The following CTNNA3 variants were observed in gnomAD, a reference collection of about 807,000 sequenced individuals.
CTNNA3 encodes the protein catenin alpha 3.
Under a neutral mutation model 95.7 loss-of-function variants are expected in CTNNA3, and 76 were observed. The observed-to-expected ratio is 0.79, with a 90% CI of 0.66 to 0.96. The LOEUF (loss-of-function observed/expected upper bound fraction) is 0.96, where lower values mean the gene tolerates loss of function less well. Ranked by LOEUF, CTNNA3 falls within the 40% of genes least tolerant of loss-of-function variation. The pLI is 0.00. For missense variants in CTNNA3, 1,191 were observed against 1,089.8 expected (o/e 1.09, Z -1.31); for synonymous variants, 431 against 374.4 (o/e 1.15, Z -1.74).
chr10:66,841,277 A>C (rs1843058715), intron 7 of CTNNA3, among the ~76,000 whole-genome samples: 1 of 152,168 alleles, frequency 6.6e-6, no homozygotes, highest in Non-Finnish European at 1.5e-5. Flanking sequence ...GATACTGTTT[A>C]AAGTATTTTG....
intron 5 of CTNNA3, among the ~76,000 whole-genome samples, chr10:67,275,511 G>T (rs940713013): frequency 1.3e-5 from 2 of 151,968 alleles, no homozygotes; most frequent in Admixed American, 1.3e-4. Flanking sequence ...GACAATGAAT[G>T]TGCTAAGCGT....
chr10:67,634,124 C>A (rs564148302), intron 2 of CTNNA3, among the ~76,000 whole-genome samples: 12 of 152,218 alleles, frequency 7.9e-5, no homozygotes, highest in Non-Finnish European at 1.5e-5. Context: ...AGACTAACAG[C>A]AGACCACTCA....
At chr10:67,600,350 A>T (rs1326288687) in intron 3 of CTNNA3, among the ~76,000 whole-genome samples, 1 of 152,126 alleles carries the variant, frequency 6.6e-6, no homozygotes, top group African/African-American at 2.4e-5. Flanking sequence ...GTCTCTACCC[A>T]TAAAGGAACA....
At chr10:67,267,150 C>A (rs754858433) in intron 5 of CTNNA3, among the ~76,000 whole-genome samples, 1 of 152,050 alleles carries the variant, frequency 6.6e-6, no homozygotes, top group Non-Finnish European at 1.5e-5. Context: ...AATTAAAACA[C>A]AAACAATTCT....
rs1190359064 is a variant in CTNNA3 at position 67,579,581 on chromosome 10, A to G, written c.292+27276T>C. On this transcript the variant is annotated intron_variant, in intron 3 of 17. Coordinates refer to ENST00000433211, the MANE Select transcript of CTNNA3 (RefSeq NM_013266.4). Reference sequence around the variant, plus strand: ...TGGGTATATACCCAGTAATGGGGTCACTGGGTCAAATGGTATTTCTAGTTC... The same window carrying G: ...TGGGTATATACCCAGTAATGGGGTCGCTGGGTCAAATGGTATTTCTAGTTC... Among the ~76,000 whole-genome samples the G allele has an allele frequency of 7.9e-5, 12 of 152,248 alleles. No homozygotes were observed. The East Asian group carries it at 2.1e-3, about 27-fold the overall frequency.
At chr10:66,938,865 T>G (rs1385268663) in intron 7 of CTNNA3, among the ~76,000 whole-genome samples, 2 of 152,172 alleles carry the variant, frequency 1.3e-5, no homozygotes, top group Non-Finnish European at 2.9e-5. Flanking sequence ...CGAATACACC[T>G]TCATTTTTGT....
chr10:66,312,768 A>C (rs10997054), intron 12 of CTNNA3, among the ~76,000 whole-genome samples: 26,161 of 151,970 alleles, frequency 0.17, 2,408 homozygotes, highest in East Asian at 0.27. Flanking sequence ...GATGATCTCA[A>C]TCTCCTGACC....
intron 7 of CTNNA3, among the ~76,000 whole-genome samples, chr10:66,845,703 C>CAAAAAAAAAAAAAAAAAAAAAA (rs61085873): frequency 1.7e-4 from 4 of 23,534 alleles, no homozygotes; most frequent in South Asian, 1.9e-3. Flanking sequence ...AACTCTGTCT[C>CAAAAAAAAAAAAAAAAAAAAAA]AAAAAAAAAA....
chr10:66,612,688 G>C (rs752604029), intron 10 of CTNNA3, among the ~76,000 whole-genome samples: 1 of 152,112 alleles, frequency 6.6e-6, no homozygotes, highest in Non-Finnish European at 1.5e-5. Context: ...ATCCAAGGGT[G>C]CCTCCTGTAA....
chr10:66,996,028 T>A (rs1851314685), intron 7 of CTNNA3, among the ~76,000 whole-genome samples: 1 of 152,224 alleles, frequency 6.6e-6, no homozygotes, highest in Non-Finnish European at 1.5e-5. Context: ...ATTATTTTAG[T>A]ACGCTTTATT....
chr10:66,316,896 A>G (rs2092109273), intron 12 of CTNNA3, among the ~76,000 whole-genome samples: 1 of 152,140 alleles, frequency 6.6e-6, no homozygotes, highest in South Asian at 2.1e-4. Flanking sequence ...ACTTTTCTCA[A>G]TAACTGATTA....
chr10:66,588,556 T>C (rs1843439207), intron 10 of CTNNA3, among the ~76,000 whole-genome samples: 1 of 152,138 alleles, frequency 6.6e-6, no homozygotes, highest in African/African-American at 2.4e-5. Context: ...GGGGGTCTGT[T>C]ACATTATTTG....
intron 9 of CTNNA3, among the ~76,000 whole-genome samples, chr10:66,759,922 A>C (rs564197248): frequency 6.6e-6 from 1 of 152,196 alleles, no homozygotes; most frequent in Non-Finnish European, 1.5e-5. Context: ...TACTCTTTTT[A>C]GTGTGGATCC....
At chr10:67,183,499 T>A (rs978237235) in intron 6 of CTNNA3, among the ~76,000 whole-genome samples, 6 of 145,888 alleles carry the variant, frequency 4.1e-5, no homozygotes, top group African/African-American at 1.5e-4. Flanking sequence ...TGAGAACACA[T>A]GGACACAGGA....
intron 3 of CTNNA3, among the ~76,000 whole-genome samples, chr10:67,599,263 A>G (rs10997747): frequency 0.1 from 15,156 of 152,222 alleles, 1,500 homozygotes; most frequent in African/African-American, 0.26. Flanking sequence ...AGAATCCGAA[A>G]CATCTCTTTC....
intron 7 of CTNNA3, among the ~76,000 whole-genome samples, chr10:67,095,156 T>C (rs1857906253): frequency 6.6e-6 from 1 of 151,642 alleles, no homozygotes; most frequent in African/African-American, 2.4e-5. Flanking sequence ...AAAAATCTAC[T>C]GTGATGCTGT....
intron 7 of CTNNA3, among the ~76,000 whole-genome samples, chr10:67,036,261 T>A (rs1008756874): frequency 1.3e-5 from 2 of 151,678 alleles, no homozygotes; most frequent in Admixed American, 1.3e-4. Flanking sequence ...CAAGAGATCC[T>A]CCACCACACC....
At chr10:66,101,095 C>A (rs1474695453) in intron 14 of CTNNA3, among the ~76,000 whole-genome samples, 1 of 152,206 alleles carries the variant, frequency 6.6e-6, no homozygotes, top group African/African-American at 2.4e-5. Context: ...GTGAACCACG[C>A]ACCCACTTCC....
chr10:66,194,796 GT>G (rs2086867834), intron 13 of CTNNA3, among the ~76,000 whole-genome samples: 1 of 152,136 alleles, frequency 6.6e-6, no homozygotes, highest in Non-Finnish European at 1.5e-5. Flanking sequence ...CTGAAGCCTA[GT>G]TTTTCTAGAC....
Sources: gnomAD v4.1 joint callset for allele counts (sites outside exome capture counted in the v4.1 genomes callset) on GRCh38, gnomAD v4.1.1 for gene constraint, MANE v1.5 for transcripts, NCBI Gene and HGNC (gene_info 2026-07-23, HGNC 2026-07-21) for gene names.